Variants in SEMA6A observed in about 807,000 individuals in gnomAD.
SEMA6A encodes semaphorin 6A.
SEMA6A carries 25 observed loss-of-function variants against 96.8 expected under a neutral mutation model. That is an observed-to-expected ratio of 0.26 (90% confidence interval 0.19 to 0.36). The LOEUF (loss-of-function observed/expected upper bound fraction) is 0.36. SEMA6A is among the 10% of genes least tolerant of loss of function. The pLI is 1.00. For synonymous variants in SEMA6A, 612 were observed against 518.0 expected (o/e 1.18, Z -2.46); for missense variants, 1,363 against 1,323.1 (o/e 1.03, Z -0.47).
Position 116,486,886 on chromosome 5 carries a change from C to A in SEMA6A, c.825G>T (p.Ser275=), listed in dbSNP as rs554196004. ...SQRVLEKQWT[S]FLKARLNCSV... ...AGCAGTTCAAGCGCGCCTTCAGGAACGACGTCCACTGTTTCTCCAGGACTC... is the reference window on the plus strand; with the variant it reads ...AGCAGTTCAAGCGCGCCTTCAGGAAAGACGTCCACTGTTTCTCCAGGACTC... Residue 275 remains serine (S), a synonymous_variant, in exon 10 of 19, where the codon TCG becomes TCT. Transcript: ENST00000343348. 86 of 1,613,786 alleles carry A rather than the reference C, an allele frequency of 5.3e-5. 1 individual carries two copies. In the South Asian group the frequency reaches 8.6e-4, roughly 16 times the overall value.
intron 17 of SEMA6A, chr5:116,471,807 G>C (rs997431367): frequency 7.9e-5 from 12 of 152,206 alleles, no homozygotes; most frequent in African/African-American, 2.7e-4. Flanking sequence ...CACAGGGAGT[G>C]AGAGTTTACA....
At chr5:116,567,873 C>G (rs1761075801) in intron 1 of SEMA6A, among the ~76,000 whole-genome samples, 1 of 152,214 alleles carries the variant, frequency 6.6e-6, no homozygotes, top group African/African-American at 2.4e-5. Context: ...CAGAATTTAA[C>G]TGAGCAAAAA....
At chr5:116,485,878 T>C (rs1757027449) in intron 10 of SEMA6A, among the ~76,000 whole-genome samples, 1 of 152,208 alleles carries the variant, frequency 6.6e-6, no homozygotes, top group African/African-American at 2.4e-5. Flanking sequence ...TGAAATCTTG[T>C]TGGCTTAACA....
intron 14 of SEMA6A, 26 bp downstream of exon 14, chr5:116,477,988 A>G (rs1160845167): frequency 1.9e-6 from 3 of 1,613,980 alleles, no homozygotes; most frequent in Non-Finnish European, 2.5e-6. Flanking sequence ...TGGACTTTCT[A>G]ATTGTCAATG....
chr5:116,565,927 G>A (rs1168075200), intron 1 of SEMA6A, among the ~76,000 whole-genome samples: 2 of 152,098 alleles, frequency 1.3e-5, no homozygotes, highest in Middle Eastern at 3.2e-3. Flanking sequence ...TGGGGGAGGG[G>A]CGGGGAAGTG....
At chr5:116,539,590 C>CGTGTGTGTGTGTGTGT (rs138539399) in intron 1 of SEMA6A, among the ~76,000 whole-genome samples, 6 of 144,950 alleles carry the variant, frequency 4.1e-5, no homozygotes, top group African/African-American at 1.3e-4. Context: ...TAATTCTGTG[C>CGTGTGTGTGTGTGTGT]GTGTGTGTGT....
At chr5:116,564,969 A>G (rs1760970616) in intron 1 of SEMA6A, among the ~76,000 whole-genome samples, 1 of 152,218 alleles carries the variant, frequency 6.6e-6, no homozygotes, top group Non-Finnish European at 1.5e-5. Context: ...TTATTTATTT[A>G]GTAATCTGCA....
rs1754335592 is a variant in SEMA6A, at chr5:116,447,723, C to T, written c.1983G>A (p.Met661Ile). ...CGGTGATGCCCGAGAAGACGGCCCC[C>T]ATGACGAAAGCCAGGATGACTGCAA... ...LAIAVILAFV[M>I]GAVFSGITVY... Residue 661 changes from methionine (M) to isoleucine (I), a missense_variant, in exon 19 of 19, where the codon ATG (methionine) becomes ATA (isoleucine). This residue lies in a region of SEMA6A where 883 missense variants were observed against 763.6 expected (regional missense o/e 1.16). Coordinates refer to ENST00000343348, the MANE Select transcript of SEMA6A (RefSeq NM_020796.5). 1 of 1,613,926 alleles carries T rather than the reference C, an allele frequency of 6.2e-7. No homozygotes were observed. Among genetic ancestry groups the T allele is most frequent in the African/African-American group, 1.3e-5 (1 of 75,062 alleles).
intron 1 of SEMA6A, among the ~76,000 whole-genome samples, chr5:116,572,625 A>G (rs1373426292): frequency 6.6e-6 from 1 of 152,132 alleles, no homozygotes; most frequent in East Asian, 1.9e-4. Context: ...CTGTGTCCAC[A>G]CGCACCTTCC....
intron 1 of SEMA6A, among the ~76,000 whole-genome samples, chr5:116,546,014 A>C: frequency 6.6e-6 from 1 of 152,212 alleles, no homozygotes; most frequent in African/African-American, 2.4e-5. Flanking sequence ...TTTGGAAACA[A>C]GATGCTTCAG....
At chr5:116,489,103 G>A in intron 7 of SEMA6A, 96 bp from the exon 8 acceptor site, 1 of 1,330,284 alleles carries the variant, frequency 7.5e-7, no homozygotes, top group Non-Finnish European at 9.9e-7. Flanking sequence ...TCCAACATCA[G>A]GCAAATGAGA....
In SEMA6A at chr5:116,443,949, T is replaced by G. The variant is rs1428698980; in HGVS notation, c.*2664A>C. The G allele has an allele frequency of 6.6e-6, 1 of 152,282 alleles. No individual in the cohort carries two copies. The highest frequency in any genetic ancestry group is 2.4e-5 in the African/African-American group (1 of 41,426). The allele number at this position is 152,282 out of a possible 1,614,324, so 9.4% of individuals were successfully genotyped here. A position where few individuals can be genotyped will look rare whatever the true frequency, so the allele number is the denominator to read the frequency against. Reference sequence around the variant, plus strand: ...GGTTGTGGGGGTGTAGGAATGTGGATGTAAGTTTTGACACAGGTCTCCTTA... The same window carrying G: ...GGTTGTGGGGGTGTAGGAATGTGGAGGTAAGTTTTGACACAGGTCTCCTTA... On this transcript the variant is annotated 3_prime_UTR_variant, in exon 19 of 19. Coordinates refer to ENST00000343348, the MANE Select transcript of SEMA6A (RefSeq NM_020796.5).
chr5:116,494,481 T>C (rs1580433865), intron 6 of SEMA6A, among the ~76,000 whole-genome samples: 1 of 152,182 alleles, frequency 6.6e-6, no homozygotes, highest in Non-Finnish European at 1.5e-5. Flanking sequence ...GTGTTCCCGA[T>C]GTGGGAACAA....
At chr5:116,570,009 GAATTATTGTAATA>G (rs1561542173) in intron 1 of SEMA6A, among the ~76,000 whole-genome samples, 1 of 152,108 alleles carries the variant, frequency 6.6e-6, no homozygotes, top group Admixed American at 6.5e-5. Context: ...GGTGTAAATG[GAATTATTGTAATA>G]AAGTTTTGCA....
chr5:116,550,235 C>T (rs766502701), intron 1 of SEMA6A: 1 of 152,072 alleles, frequency 6.6e-6, no homozygotes, highest in Non-Finnish European at 1.5e-5. Context: ...ATTTTAAAAG[C>T]AAAATCAACA....
intron 1 of SEMA6A, among the ~76,000 whole-genome samples, chr5:116,551,226 G>C (rs183871471): frequency 1.3e-5 from 2 of 151,954 alleles, no homozygotes; most frequent in Non-Finnish European, 2.9e-5. Flanking sequence ...TTTGAGAGTA[G>C]GGGAGGTGTC....
At chr5:116,509,106 A>G (rs1262677366) in intron 1 of SEMA6A, among the ~76,000 whole-genome samples, 1 of 152,236 alleles carries the variant, frequency 6.6e-6, no homozygotes, top group Non-Finnish European at 1.5e-5. Context: ...ATCAAGTTGC[A>G]TGGAGGACTT....
intron 1 of SEMA6A, among the ~76,000 whole-genome samples, chr5:116,551,103 G>C (rs191997705): frequency 1.7e-3 from 258 of 152,158 alleles, no homozygotes; most frequent in African/African-American, 5.7e-3. Flanking sequence ...GTGGCTTTAT[G>C]GAATTCATAA....
rs1474512986 is a variant in SEMA6A, at chr5:116,446,872, G to C, written c.2834C>G (p.Ser945Cys). The change falls in exon 19 of 19, where the codon TCT (serine) becomes TGT (cysteine). Residue 945 changes from serine to cysteine, a missense_variant. By Grantham distance (112) the Ser-to-Cys change is moderately radical. This residue lies in a region of SEMA6A where 883 missense variants were observed against 763.6 expected (regional missense o/e 1.16). Transcript: ENST00000343348. ...KRNNTNSSNSSHLSRNQSFGR... is the reference protein window; with the variant it reads ...KRNNTNSSNSCHLSRNQSFGR... ...AAAGCTCTGGTTTCTGGAGAGGTGA[G>C]AGGAATTGGAGGAGTTAGTGTTGTT... 2.5e-6 allele frequency: 4 copies of C among 1,614,008 alleles called. No homozygotes were observed. Among genetic ancestry groups the C allele is most frequent in the Non-Finnish European group, 1.7e-6 (2 of 1,179,894 alleles).
Sources: allele counts gnomAD v4.1 joint callset (sites outside exome capture counted in the v4.1 genomes callset), GRCh38; gene constraint gnomAD v4.1.1; regional missense constraint gnomAD v4.1.1; transcripts MANE v1.5; gene names NCBI Gene and HGNC (gene_info 2026-07-23, HGNC 2026-07-21).